Variants in P4HA1 observed in about 807,000 individuals in gnomAD.
The protein encoded by P4HA1 is prolyl 4-hydroxylase subunit alpha-1.
Under a neutral mutation model 72.8 loss-of-function variants are expected in P4HA1, and 24 were observed. The ratio of observed to expected loss-of-function variants is 0.33; its 90% CI spans 0.24 to 0.46. The LOEUF is 0.46. Ranked by LOEUF, P4HA1 falls within the 20% of genes least tolerant of loss-of-function variation. The probability of loss-of-function intolerance (pLI) is 1.00; values close to 1 mark genes in which losing one functional copy is unlikely to be tolerated. For missense variants in P4HA1, 446 were observed against 640.6 expected, an observed-to-expected ratio of 0.70 and a Z score of 3.28; for synonymous variants, 201 against 218.8, an observed-to-expected ratio of 0.92 and a Z score of 0.72.
In P4HA1 at chr10:73,052,919, C is replaced by G. The variant is rs570755107; in HGVS notation, c.703+432G>C. 7.2e-5 allele frequency among the ~76,000 whole-genome samples: 11 copies of G among 152,278 alleles called. 1 individual carries two copies. Among genetic ancestry groups the G allele is most frequent in the African/African-American group, 2.6e-4 (11 of 41,568 alleles). ...CACTACATCTCTGTTCAAAGTACTA[C>G]TGATAAAATTCTCCTAAGGTGTATT... On this transcript the variant is annotated intron_variant, in intron 6 of 14. Coordinates refer to ENST00000394890, the MANE Select transcript of P4HA1 (RefSeq NM_001017962.3).
intron 9 of P4HA1, among the ~76,000 whole-genome samples, chr10:73,040,441 AAAAC>A (rs1393696582): frequency 2.6e-5 from 4 of 151,990 alleles, no homozygotes; most frequent in Admixed American, 6.6e-5. Flanking sequence ...AAAATTTCCA[AAAAC>A]AAACAGTCTT....
At chr10:73,010,819 C>T in intron 13 of P4HA1, 150 bp downstream of exon 13, 1 of 610,978 alleles carries the variant, frequency 1.6e-6, no homozygotes, top group Admixed American at 2.9e-5. Context: ...GTTTATACTG[C>T]TGGGCTCCAG....
intron 1 of P4HA1, among the ~76,000 whole-genome samples, chr10:73,087,765 T>G (rs1299161449): frequency 6.6e-6 from 1 of 152,188 alleles, no homozygotes; most frequent in Non-Finnish European, 1.5e-5. Flanking sequence ...GTGCTGGGAT[T>G]ACAGACGTGA....
At chr10:73,037,561 AT>A (rs1259346429) in intron 9 of P4HA1, among the ~76,000 whole-genome samples, 6 of 33,418 alleles carry the variant, frequency 1.8e-4, no homozygotes, top group Non-Finnish European at 3.1e-4. Flanking sequence ...ATATATATAT[AT>A]ATATATATAT....
intron 1 of P4HA1, among the ~76,000 whole-genome samples, chr10:73,086,036 T>A (rs1206574850): frequency 6.6e-6 from 1 of 152,172 alleles, no homozygotes; most frequent in Non-Finnish European, 1.5e-5. Flanking sequence ...CAATTACAAG[T>A]ATTGACAAGG....
intron 9 of P4HA1, among the ~76,000 whole-genome samples, chr10:73,043,374 C>T (rs1303895759): frequency 6.6e-6 from 1 of 152,218 alleles, no homozygotes; most frequent in Non-Finnish European, 1.5e-5. Flanking sequence ...TCACCCAATT[C>T]TGTGAGCTCT....
intron 11 of P4HA1, 89 bp from the exon 12 acceptor site, chr10:73,014,378 TGAA>T (rs1244356466): frequency 1.4e-5 from 13 of 940,630 alleles, no homozygotes; most frequent in Non-Finnish European, 2.2e-5. Context: ...AGTAATATCC[TGAA>T]GAATATGCCA....
chr10:73,030,210 A>G lies in P4HA1; in HGVS notation c.1248+61T>C, dbSNP rs764165756. ...GAGGACTGCCTGTTCAGTGTCAGGAAATCTCCTCTCAAGCATCTCCTGAAG... is the reference window on the plus strand; with the variant it reads ...GAGGACTGCCTGTTCAGTGTCAGGAGATCTCCTCTCAAGCATCTCCTGAAG... On this transcript the variant is annotated intron_variant, in intron 10 of 14. Coordinates refer to ENST00000394890, the MANE Select transcript of P4HA1 (RefSeq NM_001017962.3). 1.4e-4 allele frequency: 111 copies of G among 775,694 alleles called. 1 individual carries two copies. Among genetic ancestry groups the G allele is most frequent in the Non-Finnish European group, 1.9e-4 (97 of 501,862 alleles). The allele number at this position is 775,694 out of a possible 1,614,324, so 48.1% of individuals were successfully genotyped here. A position where few individuals can be genotyped will look rare whatever the true frequency, so the allele number is the denominator to read the frequency against.
At chr10:73,096,570 G>A (rs1443923248) in intron 1 of P4HA1, among the ~76,000 whole-genome samples, 196 bp downstream of exon 1, 1 of 152,180 alleles carries the variant, frequency 6.6e-6, no homozygotes, top group African/African-American at 2.4e-5. Context: ...GAAGGAGCGC[G>A]GGCGCCGGGA....
intron 5 of P4HA1, chr10:73,065,215 C>T (rs1390228581): frequency 6.7e-6 from 1 of 150,154 alleles, no homozygotes; most frequent in East Asian, 1.9e-4. Context: ...TGACCCCCAC[C>T]CCCTAAAAAA....
At chr10:73,028,882 T>C (rs961918173) in intron 10 of P4HA1, among the ~76,000 whole-genome samples, 36 of 150,178 alleles carry the variant, frequency 2.4e-4, no homozygotes, top group Admixed American at 6.6e-4. Flanking sequence ...CCATCTCTAC[T>C]AAAAATACAA....
chr10:73,044,244 G>A (rs1840803358), intron 9 of P4HA1, among the ~76,000 whole-genome samples: 1 of 151,624 alleles, frequency 6.6e-6, no homozygotes, highest in South Asian at 2.1e-4. Flanking sequence ...TTATAGCACT[G>A]GGTTTCACAG....
Position 73,053,337 on chromosome 10 carries a change from C to T in P4HA1, c.703+14G>A, listed in dbSNP as rs1334615442. 2 of 1,612,536 alleles carry T rather than the reference C, an allele frequency of 1.2e-6. No individual in the cohort carries two copies. Among genetic ancestry groups the T allele is most frequent in the East Asian group, 2.2e-5 (1 of 44,868 alleles). On this transcript the variant is annotated intron_variant, in intron 6 of 14. Coordinates refer to ENST00000394890, the MANE Select transcript of P4HA1 (RefSeq NM_001017962.3). ...AATATAACTATAACCTTAAATTAGG[C>T]CCAGATAACATACCTAGTTCAAGAA... is the stretch of plus-strand genomic sequence containing the variant.
chr10:73,007,574 T>C lies in P4HA1; in HGVS notation c.*648A>G, dbSNP rs905310627. ...GGCCCAGTGTTGTTATGCAGGACTT[T>C]CCATTAAAAAAAAAAAAAAAATCGA... On this transcript the variant is annotated 3_prime_UTR_variant, in exon 15 of 15. Coordinates refer to ENST00000394890, the MANE Select transcript of P4HA1 (RefSeq NM_001017962.3). 6 of 141,882 alleles carry C rather than the reference T, an allele frequency of 4.2e-5. No individual in the cohort carries two copies. The highest frequency in any genetic ancestry group is 1.8e-4 in the African/African-American group (6 of 34,110). The allele number at this position is 141,882 out of a possible 1,614,324, so 8.8% of individuals were successfully genotyped here. A position where few individuals can be genotyped will look rare whatever the true frequency, so the allele number is the denominator to read the frequency against.
intron 5 of P4HA1, among the ~76,000 whole-genome samples, chr10:73,059,424 TAAAAAAAAAAAAAAAAAAA>T (rs920360586): frequency 1.8e-3 from 43 of 24,178 alleles, no homozygotes; most frequent in Admixed American, 3.0e-3. Context: ...ACAATATATT[TAAAAAAAAAAAAAAAAAAA>T]AAAAAAAAAA....
intron 9 of P4HA1, among the ~76,000 whole-genome samples, chr10:73,034,778 A>G (rs761379217): frequency 2.1e-4 from 32 of 151,840 alleles, no homozygotes; most frequent in Non-Finnish European, 2.5e-4. Flanking sequence ...ACGGGGTTTC[A>G]TCATGGTGAC....
intron 1 of P4HA1, among the ~76,000 whole-genome samples, chr10:73,093,294 T>A (rs1328532122): frequency 4.6e-5 from 7 of 152,100 alleles, no homozygotes; most frequent in African/African-American, 1.4e-4. Flanking sequence ...GAAGTCTGAA[T>A]CTCTATAATG....
chr10:73,040,384 T>C (rs908290243), intron 9 of P4HA1, among the ~76,000 whole-genome samples: 1 of 152,156 alleles, frequency 6.6e-6, no homozygotes, highest in Non-Finnish European at 1.5e-5. Flanking sequence ...CAACAGTCCA[T>C]TGACTGTGGG....
chr10:73,038,778 C>T (rs1202948025), intron 9 of P4HA1, among the ~76,000 whole-genome samples: 1 of 137,406 alleles, frequency 7.3e-6, no homozygotes, highest in African/African-American at 3.1e-5. Context: ...AGGCGCCCGC[C>T]ACTACGCCCG....
Sources: gnomAD v4.1 joint callset for allele counts (sites outside exome capture counted in the v4.1 genomes callset) on GRCh38, gnomAD v4.1.1 for gene constraint, MANE v1.5 for transcripts, NCBI Gene and HGNC (gene_info 2026-07-23, HGNC 2026-07-21) for gene names.